Variants in ZNF804A observed in about 807,000 individuals in gnomAD.
ZNF804A encodes zinc finger protein 804A.
Under a neutral mutation model 16.5 loss-of-function variants are expected in ZNF804A, and 2 were observed. The ratio of observed to expected loss-of-function variants is 0.12; its 90% CI spans 0.05 to 0.38. The LOEUF (loss-of-function observed/expected upper bound fraction) is 0.38, where lower values mean the gene tolerates loss of function less well. ZNF804A is among the 10% of genes least tolerant of loss of function. The probability of loss-of-function intolerance (pLI) is 0.99; values close to 1 mark genes in which losing one functional copy is unlikely to be tolerated. For missense variants in ZNF804A, 1,473 were observed against 1,390.7 expected, an observed-to-expected ratio of 1.06 and a Z score of -0.94; for synonymous variants, 534 against 489.6, an observed-to-expected ratio of 1.09 and a Z score of -1.20.
intron 1 of ZNF804A, among the ~76,000 whole-genome samples, chr2:184,638,922 T>C (rs146672213): frequency 2.0e-5 from 3 of 152,270 alleles, no homozygotes; most frequent in East Asian, 3.9e-4. Context: ...GATATAATCA[T>C]AGCACATAAT....
At chr2:184,652,071 G>A (rs932991850) in intron 1 of ZNF804A, among the ~76,000 whole-genome samples, 6 of 152,070 alleles carry the variant, frequency 3.9e-5, no homozygotes, top group Non-Finnish European at 7.4e-5. Context: ...ATAAAGAAAA[G>A]GTGGTAAATA....
intron 1 of ZNF804A, among the ~76,000 whole-genome samples, chr2:184,799,979 G>T (rs562321979): frequency 3.9e-5 from 6 of 152,002 alleles, no homozygotes; most frequent in African/African-American, 1.4e-4. Flanking sequence ...TAATTATTAC[G>T]TATATGATCT....
intron 2 of ZNF804A, among the ~76,000 whole-genome samples, chr2:184,932,795 C>CCA (rs1685722953): frequency 6.6e-6 from 1 of 152,102 alleles, no homozygotes; most frequent in African/African-American, 2.4e-5. Flanking sequence ...CAAAATTATA[C>CCA]CACACACACG....
intron 1 of ZNF804A, among the ~76,000 whole-genome samples, chr2:184,669,037 G>A (rs1045129207): frequency 2.2e-4 from 34 of 151,816 alleles, no homozygotes; most frequent in African/African-American, 8.0e-4. Flanking sequence ...CACTTCCCTC[G>A]GTTTTGTGAG....
chr2:184,926,074 G>A (rs945114458), intron 2 of ZNF804A, among the ~76,000 whole-genome samples: 5 of 151,916 alleles, frequency 3.3e-5, no homozygotes. Context: ...ATGTTTTTCT[G>A]TGTACTTACT....
intron 1 of ZNF804A, among the ~76,000 whole-genome samples, chr2:184,808,936 C>T (rs2105785774): frequency 6.6e-6 from 1 of 151,878 alleles, no homozygotes; most frequent in Middle Eastern, 3.4e-3. Flanking sequence ...AAATGATACT[C>T]AGATTTTCTA....
rs536234423 is a variant in ZNF804A, at chr2:184,764,769, A to G, written c.112-101600A>G. 7.9e-5 allele frequency among the ~76,000 whole-genome samples: 12 copies of G among 152,330 alleles called. No individual in the cohort carries two copies. In the East Asian group the frequency reaches 2.3e-3, roughly 29 times the overall value. On this transcript the variant is annotated intron_variant, in intron 1 of 3. Coordinates refer to ENST00000302277, the MANE Select transcript of ZNF804A (RefSeq NM_194250.2). ...CATCCCCTTGATATTTGTCTGTCGCAAATGACAGCCAAAATTAAAGTCAAT... is the reference window on the plus strand; with the variant it reads ...CATCCCCTTGATATTTGTCTGTCGCGAATGACAGCCAAAATTAAAGTCAAT...
rs1479650047 is a variant in ZNF804A at position 184,599,001 on chromosome 2, C to A, written c.42C>A (p.Ser14Arg). ...YYIVISSTHLSNGHFRNIKGV... is the reference protein window; with the variant it reads ...YYIVISSTHLRNGHFRNIKGV... Reference sequence around the variant, plus strand: ...TTGTCATCAGCTCCACGCATCTCAGCAACGGACACTTTCGCAACATCAAGG... The same window carrying A: ...TTGTCATCAGCTCCACGCATCTCAGAAACGGACACTTTCGCAACATCAAGG... The change falls in exon 1 of 4, where the codon AGC (serine) becomes AGA (arginine). Residue 14 changes from serine to arginine, a missense_variant. Coordinates refer to ENST00000302277, the MANE Select transcript of ZNF804A (RefSeq NM_194250.2). The A allele has an allele frequency of 6.2e-7, 1 of 1,613,952 alleles. No homozygotes were observed. Among genetic ancestry groups the A allele is most frequent in the African/African-American group, 1.3e-5 (1 of 74,920 alleles).
chr2:184,816,390 G>A (rs1183194473), intron 1 of ZNF804A, among the ~76,000 whole-genome samples: 1 of 151,956 alleles, frequency 6.6e-6, no homozygotes, highest in Non-Finnish European at 1.5e-5. Flanking sequence ...GAGGGGCTGT[G>A]TTTATCATTT....
chr2:184,757,511 A>G (rs1462924364), intron 1 of ZNF804A, among the ~76,000 whole-genome samples: 2 of 151,876 alleles, frequency 1.3e-5, no homozygotes, highest in Non-Finnish European at 2.9e-5. Context: ...GTGGCCTTTT[A>G]TTTAAAGACC....
chr2:184,770,778 T>C lies in ZNF804A; in HGVS notation c.112-95591T>C, dbSNP rs1338137784. On this transcript the variant is annotated intron_variant, in intron 1 of 3. Coordinates refer to ENST00000302277, the MANE Select transcript of ZNF804A (RefSeq NM_194250.2). ...AAAACTATCTGAAATGTAAAAGATA[T>C]ATAGAAACCCAAATTTTTGTACCCT... 2.7e-4 allele frequency among the ~76,000 whole-genome samples: 41 copies of C among 152,046 alleles called. 1 individual carries two copies. The highest frequency in any genetic ancestry group is 2.7e-3 in the Admixed American group (41 of 15,214).
In ZNF804A at chr2:184,607,936, CTTTTTTTTTT is replaced by C. The variant is rs34262998; in HGVS notation, c.111+8884_111+8893del. ...CACCATGGAGAACCTTGATGCATCT[CTTTTTTTTTT>C]TTTTTTTTTTTTTTTTTGAGACGGA... is the stretch of plus-strand genomic sequence containing the variant. On this transcript the variant is annotated intron_variant, in intron 1 of 3. Coordinates refer to ENST00000302277, the MANE Select transcript of ZNF804A (RefSeq NM_194250.2). Among the ~76,000 whole-genome samples the C allele has an allele frequency of 1.4e-4, 9 of 65,654 alleles. 1 individual carries two copies. Among genetic ancestry groups the C allele is most frequent in the African/African-American group, 2.0e-4 (3 of 15,218 alleles). 43.1% of individuals were successfully genotyped at this position (65,654 alleles called of 152,430 possible).
intron 1 of ZNF804A, among the ~76,000 whole-genome samples, chr2:184,697,247 G>A (rs1692846366): frequency 6.6e-6 from 1 of 152,060 alleles, no homozygotes; most frequent in Non-Finnish European, 1.5e-5. Flanking sequence ...TGTGGGATTT[G>A]TGAAGGGAAT....
intron 1 of ZNF804A, among the ~76,000 whole-genome samples, chr2:184,712,650 T>C (rs984368760): frequency 2.6e-5 from 4 of 151,834 alleles, no homozygotes; most frequent in Non-Finnish European, 5.9e-5. Flanking sequence ...AGAACTTTCA[T>C]AATGCATATA....
At chr2:184,915,798 T>G (rs1230432603) in intron 2 of ZNF804A, among the ~76,000 whole-genome samples, 1 of 152,114 alleles carries the variant, frequency 6.6e-6, no homozygotes, top group African/African-American at 2.4e-5. Flanking sequence ...CATTAAGAGA[T>G]TACATGCTTT....
intron 1 of ZNF804A, among the ~76,000 whole-genome samples, chr2:184,667,176 C>A (rs1692267589): frequency 6.6e-6 from 1 of 151,736 alleles, no homozygotes; most frequent in Admixed American, 6.6e-5. Flanking sequence ...ATAAATGTTG[C>A]CTTTAAGACA....
intron 1 of ZNF804A, among the ~76,000 whole-genome samples, chr2:184,765,315 CCCCTCCTGTCGTCTTATG>C (rs1694101662): frequency 6.6e-6 from 1 of 151,994 alleles, no homozygotes; most frequent in African/African-American, 2.4e-5. Context: ...GAGGAGAGCA[CCCCTCCTGTCGTCTTATG>C]CCCAATTTCT....
intron 1 of ZNF804A, among the ~76,000 whole-genome samples, chr2:184,821,778 G>T (rs9973613): frequency 6.6e-6 from 1 of 152,048 alleles, no homozygotes; most frequent in African/African-American, 2.4e-5. Flanking sequence ...CTTCTCAAAA[G>T]AAGACATTTA....
At chr2:184,802,304 G>T (rs1694739135) in intron 1 of ZNF804A, among the ~76,000 whole-genome samples, 1 of 152,144 alleles carries the variant, frequency 6.6e-6, no homozygotes, top group South Asian at 2.1e-4. Flanking sequence ...GTTAGGCTCT[G>T]CTCAAGTCTT....
Sources: gnomAD v4.1 joint callset for allele counts (sites outside exome capture counted in the v4.1 genomes callset) on GRCh38, gnomAD v4.1.1 for gene constraint, MANE v1.5 for transcripts, NCBI Gene and HGNC (gene_info 2026-07-23, HGNC 2026-07-21) for gene names.